Variants in TENM2 observed in about 807,000 individuals in gnomAD.
TENM2 encodes teneurin-2.
TENM2 carries 52 observed loss-of-function variants against 245.2 expected under a neutral mutation model. The observed-to-expected ratio is 0.21, with a 90% CI of 0.17 to 0.27. The LOEUF is 0.27. Among genes scored for constraint, TENM2 ranks in the 10% least tolerant of loss-of-function variants. TENM2 has a pLI of 1.00. For synonymous variants in TENM2, 1,363 were observed against 1,438.9 expected, an observed-to-expected ratio of 0.95 and a Z score of 1.19; for missense variants, 3,046 against 3,666.8, an observed-to-expected ratio of 0.83 and a Z score of 4.37.
At chr5:167,991,592 G>A (rs1177265267) in intron 4 of TENM2, among the ~76,000 whole-genome samples, 4 of 152,166 alleles carry the variant, frequency 2.6e-5, no homozygotes, top group African/African-American at 7.2e-5. Context: ...ACAGACTCCC[G>A]ACCCTGAGGA....
chr5:167,723,484 T>C (rs1188485757), intron 2 of TENM2, among the ~76,000 whole-genome samples: 2 of 152,216 alleles, frequency 1.3e-5, no homozygotes, highest in African/African-American at 4.8e-5. Flanking sequence ...ACGTGAGCTC[T>C]GATCTGTCTT....
chr5:168,135,833 T>A (rs1469012641), intron 12 of TENM2, among the ~76,000 whole-genome samples: 1 of 152,218 alleles, frequency 6.6e-6, no homozygotes, highest in Admixed American at 6.5e-5. Context: ...ATCTGCAAAG[T>A]TGCATCCGGA....
chr5:167,041,708 G>A, the TENM2 span, among the ~76,000 whole-genome samples: 2 of 152,062 alleles, frequency 1.3e-5, no homozygotes, highest in Admixed American at 6.5e-5. Flanking sequence ...AATTACAAAC[G>A]AAAGAAGTAC....
chr5:167,645,053 A>G (rs1779843597), intron 2 of TENM2, among the ~76,000 whole-genome samples: 1 of 152,204 alleles, frequency 6.6e-6, no homozygotes, highest in Admixed American at 6.5e-5. Context: ...GTATTTCTGT[A>G]TCTGAACACA....
chr5:167,353,112 G>A (rs1369493514), intron 1 of TENM2, among the ~76,000 whole-genome samples: 2 of 152,140 alleles, frequency 1.3e-5, no homozygotes, highest in Non-Finnish European at 2.9e-5. Flanking sequence ...AGGGAGGCTT[G>A]CCCGAAACCA....
intron 3 of TENM2, among the ~76,000 whole-genome samples, chr5:167,902,397 C>T (rs148965246): frequency 6.6e-5 from 10 of 152,314 alleles, no homozygotes; most frequent in African/African-American, 1.9e-4. Context: ...GTCATTGGTG[C>T]AGTTGGTTGC....
chr5:167,895,928 C>CTGTT (rs1428944941), intron 3 of TENM2, among the ~76,000 whole-genome samples: 1 of 152,228 alleles, frequency 6.6e-6, no homozygotes, highest in Non-Finnish European at 1.5e-5. Flanking sequence ...TGAGCATCTA[C>CTGTT]TGTTATAGAC....
chr5:167,422,259 T>C (rs577060217), intron 2 of TENM2, among the ~76,000 whole-genome samples: 1 of 152,208 alleles, frequency 6.6e-6, no homozygotes, highest in Non-Finnish European at 1.5e-5. Context: ...TTAACCAAAA[T>C]ATAATGTGGC....
intron 8 of TENM2, among the ~76,000 whole-genome samples, chr5:168,091,727 A>G (rs1410386941): frequency 6.6e-6 from 1 of 152,192 alleles, no homozygotes; most frequent in Non-Finnish European, 1.5e-5. Context: ...GGTCTTGTCC[A>G]CTGCCCTTGT....
intron 2 of TENM2, among the ~76,000 whole-genome samples, chr5:167,610,014 A>T (rs935370195): frequency 6.6e-6 from 1 of 152,138 alleles, no homozygotes; most frequent in African/African-American, 2.4e-5. Flanking sequence ...TACACTTTTG[A>T]TCGGCTATAA....
intron 2 of TENM2, among the ~76,000 whole-genome samples, chr5:167,706,754 C>T (rs1477586878): frequency 6.6e-6 from 1 of 151,784 alleles, no homozygotes; most frequent in African/African-American, 2.4e-5. Context: ...GTGGCTCACG[C>T]CTGTAATCCC....
intron 1 of TENM2, among the ~76,000 whole-genome samples, chr5:167,308,639 G>A (rs1368730345): frequency 6.6e-6 from 1 of 152,140 alleles, no homozygotes; most frequent in Non-Finnish European, 1.5e-5. Flanking sequence ...CCCAGAAAGA[G>A]GGCCAACATC....
the TENM2 span, among the ~76,000 whole-genome samples, chr5:167,070,574 A>C: frequency 2.0e-5 from 3 of 152,254 alleles, no homozygotes; most frequent in Non-Finnish European, 2.9e-5. Context: ...CATTGTGTTA[A>C]GTGAATAATC....
intron 3 of TENM2, among the ~76,000 whole-genome samples, chr5:167,930,771 T>A (rs5873076): frequency 0.26 from 39,867 of 151,724 alleles, 7,326 homozygotes; most frequent in African/African-American, 0.53. Flanking sequence ...TTTTTTTTTT[T>A]AAAAAAGCAT....
rs138547816 is a variant in TENM2, at chr5:167,607,992, C to T, written c.502+232519C>T. On this transcript the variant is annotated intron_variant, in intron 2 of 28. Coordinates refer to ENST00000518659, the Ensembl canonical transcript of TENM2. ...CTCTTGTTTTAGAGCGCTTGGCCAA[C>T]GTATTGAGCCTAGTGTGTGAAGACC... 8.6e-5 allele frequency among the ~76,000 whole-genome samples: 13 copies of T among 152,028 alleles called. No individual in the cohort carries two copies. In the East Asian group the frequency reaches 1.9e-3, roughly 23 times the overall value.
intron 5 of TENM2, among the ~76,000 whole-genome samples, chr5:168,010,391 T>C (rs1785133093): frequency 6.6e-6 from 1 of 152,128 alleles, no homozygotes; most frequent in Admixed American, 6.5e-5. Context: ...TAACCATGGG[T>C]AAAATTGTAA....
chr5:168,163,612 G>A (rs376636222), intron 13 of TENM2, among the ~76,000 whole-genome samples: 9 of 152,142 alleles, frequency 5.9e-5, no homozygotes, highest in African/African-American at 2.2e-4. Flanking sequence ...TGAACCAAGG[G>A]TTGGGCTGCT....
chr5:167,537,277 G>T (rs547871603), intron 2 of TENM2, among the ~76,000 whole-genome samples: 11 of 146,028 alleles, frequency 7.5e-5, no homozygotes, highest in African/African-American at 2.7e-4. Flanking sequence ...AAGCCAGTTG[G>T]TTTTTTCAGC....
chr5:168,039,991 G>T (rs546852784), intron 5 of TENM2, among the ~76,000 whole-genome samples: 1 of 152,064 alleles, frequency 6.6e-6, no homozygotes, highest in African/African-American at 2.4e-5. Context: ...GATTAATCTC[G>T]TACCACCTCC....
Sources: allele counts gnomAD v4.1 joint callset (sites outside exome capture counted in the v4.1 genomes callset), GRCh38; gene constraint gnomAD v4.1.1; transcripts MANE v1.5; gene names NCBI Gene and HGNC (gene_info 2026-07-23, HGNC 2026-07-21).